Variants in BCAP29 observed in about 807,000 individuals in gnomAD.
BCAP29 encodes the protein B-cell receptor-associated protein 29.
BCAP29 carries 34 observed loss-of-function variants against 31.8 expected under a neutral mutation model. That is an observed-to-expected ratio of 1.07 (90% CI 0.81 to 1.42). BCAP29 has a LOEUF of 1.42. BCAP29 is among the 40% of genes most tolerant of loss of function. BCAP29 has a pLI of 0.00. For synonymous variants in BCAP29, 104 were observed against 91.3 expected, an observed-to-expected ratio of 1.14 and a Z score of -0.79; for missense variants, 314 against 269.2, an observed-to-expected ratio of 1.17 and a Z score of -1.16.
chr7:107,608,774 A>G (rs1336159140), intron 6 of BCAP29, among the ~76,000 whole-genome samples: 2 of 152,220 alleles, frequency 1.3e-5, no homozygotes, highest in African/African-American at 2.4e-5. Context: ...CAAGATTACT[A>G]TCAGGTGACT....
chr7:107,612,408 TA>T (rs1563141267), intron 6 of BCAP29, among the ~76,000 whole-genome samples: 855 of 35,248 alleles, frequency 0.024, 58 homozygotes, highest in South Asian at 0.11. Context: ...TATATATATA[TA>T]TATATATATA....
intron 7 of BCAP29, among the ~76,000 whole-genome samples, chr7:107,614,544 A>T (rs1371468632): frequency 6.6e-6 from 1 of 152,202 alleles, no homozygotes; most frequent in Non-Finnish European, 1.5e-5. Flanking sequence ...TATTATCATC[A>T]TCATCTGTAT....
At chr7:107,585,816 C>A (rs1033418770) in intron 3 of BCAP29, among the ~76,000 whole-genome samples, 3 of 152,112 alleles carry the variant, frequency 2.0e-5, no homozygotes, top group Non-Finnish European at 4.4e-5. Flanking sequence ...CGTGGTGAAA[C>A]CCTGTCTCTA....
chr7:107,599,129 A>T (rs1211457364), intron 5 of BCAP29, among the ~76,000 whole-genome samples: 2 of 127,912 alleles, frequency 1.6e-5, no homozygotes, highest in East Asian at 2.1e-4. Flanking sequence ...TAAATATATT[A>T]AAAATTTATA....
intron 3 of BCAP29, among the ~76,000 whole-genome samples, chr7:107,588,830 G>A (rs934452064): frequency 2.0e-5 from 3 of 152,104 alleles, no homozygotes; most frequent in East Asian, 3.9e-4. Flanking sequence ...TTAAATTCTT[G>A]GTTGACTCTT....
chr7:107,599,281 ATTTTTATATATAAATT>A (rs1810630424), intron 5 of BCAP29, among the ~76,000 whole-genome samples: 3 of 49,890 alleles, frequency 6.0e-5, no homozygotes, highest in Non-Finnish European at 3.5e-5. Flanking sequence ...TTTATATATA[ATTTTTATATATAAATT>A]ATATATAAAT....
rs755501245 is a variant in BCAP29, at chr7:107,600,306, A to G, written c.481-91A>G. 5 of 768,128 alleles carry G rather than the reference A, an allele frequency of 6.5e-6. No homozygotes were observed. In the East Asian group the frequency reaches 1.3e-4, roughly 19 times the overall value. 47.6% of individuals were successfully genotyped at this position (768,128 alleles called of 1,614,324 possible). On this transcript the variant is annotated intron_variant, in intron 5 of 7. Coordinates refer to ENST00000005259, the MANE Select transcript of BCAP29 (RefSeq NM_018844.4). ...ACAAAGAATAAATTATAAACAGGTAAGTTTAGATAGGTTACTCAGCTTATT... is the reference window on the plus strand; with the variant it reads ...ACAAAGAATAAATTATAAACAGGTAGGTTTAGATAGGTTACTCAGCTTATT...
At chr7:107,580,167 A>G (rs996428476), upstream of BCAP29, 1 of 152,014 alleles carries the variant, frequency 6.6e-6, no homozygotes, top group Non-Finnish European at 1.5e-5. Flanking sequence ...GCCGGGACGG[A>G]CCCGCGGGCG....
chr7:107,589,208 T>G (rs1166076098), intron 3 of BCAP29, among the ~76,000 whole-genome samples: 3 of 152,148 alleles, frequency 2.0e-5, no homozygotes, highest in Non-Finnish European at 4.4e-5. Flanking sequence ...TGGAAGACAG[T>G]TTTTCCATAT....
chr7:107,583,495 G>A (rs1467979924), intron 2 of BCAP29, among the ~76,000 whole-genome samples: 1 of 152,078 alleles, frequency 6.6e-6, no homozygotes, highest in East Asian at 1.9e-4. Context: ...CTCCTGAAAT[G>A]TTGCCAATTG....
intron 5 of BCAP29, among the ~76,000 whole-genome samples, chr7:107,599,344 T>C (rs973317514): frequency 7.9e-5 from 6 of 75,868 alleles, no homozygotes; most frequent in South Asian, 3.1e-4. Flanking sequence ...TATGCACACA[T>C]ATATATATAT....
At chr7:107,581,039 G>A (rs1806561157) in intron 2 of BCAP29, among the ~76,000 whole-genome samples, 175 bp downstream of exon 2, 1 of 152,150 alleles carries the variant, frequency 6.6e-6, no homozygotes, top group South Asian at 2.1e-4. Context: ...ACTCTGTTAC[G>A]TGTACAAGTG....
At position 107,618,775 on chromosome 7, in the gene BCAP29, A is replaced by G; in HGVS notation, c.*412A>G. 2.0e-6 allele frequency: 1 copy of G among 492,036 alleles called. No individual in the cohort carries two copies. Among genetic ancestry groups the G allele is most frequent in the South Asian group, 3.5e-5 (1 of 28,542 alleles). The allele number at this position is 492,036 out of a possible 1,614,324, so 30.5% of individuals were successfully genotyped here. A position where few individuals can be genotyped will look rare whatever the true frequency, so the allele number is the denominator to read the frequency against. On this transcript the variant is annotated 3_prime_UTR_variant, in exon 8 of 8. Transcript: ENST00000005259. Reference sequence around the variant, plus strand: ...TTAATCAGATGATGATGTGTTTGAAAATAGTGTTCAATATCAGCAAATTTG... The same window carrying G: ...TTAATCAGATGATGATGTGTTTGAAGATAGTGTTCAATATCAGCAAATTTG...
intron 6 of BCAP29, among the ~76,000 whole-genome samples, chr7:107,613,061 A>G (rs149389857): frequency 5.3e-5 from 8 of 152,284 alleles, no homozygotes; most frequent in Non-Finnish European, 8.8e-5. Flanking sequence ...TGACTATACT[A>G]TGGTTATGTT....
intron 3 of BCAP29, among the ~76,000 whole-genome samples, chr7:107,586,991 A>T (rs918415227): frequency 2.0e-5 from 3 of 152,124 alleles, no homozygotes; most frequent in Admixed American, 6.6e-5. Flanking sequence ...TCGGCTTCCC[A>T]AAGTGCTGGG....
chr7:107,620,205 GATAGTTA>G lies in BCAP29; in HGVS notation c.*1843_*1849del, dbSNP rs1252292841. Reference sequence around the variant, plus strand: ...TGAGCAGTTTTTCCAAGGCAACATTGATAGTTAGATTCAGGGCCAGGCTGTAAGTCTA... The same window carrying G: ...TGAGCAGTTTTTCCAAGGCAACATTGGATTCAGGGCCAGGCTGTAAGTCTA... On this transcript the variant is annotated 3_prime_UTR_variant, in exon 8 of 8. Transcript: ENST00000005259. 1 of 152,186 alleles carries G rather than the reference GATAGTTA, an allele frequency of 6.6e-6. No individual in the cohort carries two copies. Among genetic ancestry groups the G allele is most frequent in the Admixed American group, 6.5e-5 (1 of 15,278 alleles). 9.4% of individuals were successfully genotyped at this position (152,186 alleles called of 1,614,324 possible).
Position 107,600,513 on chromosome 7 carries a change from T to G in BCAP29, c.589+8T>G. 1 of 1,496,328 alleles carries G rather than the reference T, an allele frequency of 6.7e-7. No individual in the cohort carries two copies. Among genetic ancestry groups the G allele is most frequent in the African/African-American group, 1.4e-5 (1 of 71,866 alleles). The allele number at this position is 1,496,328 out of a possible 1,614,324, so 92.7% of individuals were successfully genotyped here. On this transcript the variant is annotated splice_region_variant and intron_variant, in intron 6 of 7. Coordinates refer to ENST00000005259, the MANE Select transcript of BCAP29 (RefSeq NM_018844.4). Reference sequence around the variant, plus strand: ...TAAGGAAGACTTCAGATGGTAACTTTGTGTACATGTGAAAAAGTAAAAAGA... The same window carrying G: ...TAAGGAAGACTTCAGATGGTAACTTGGTGTACATGTGAAAAAGTAAAAAGA...
chr7:107,622,231 A>G (rs1245784890), downstream of BCAP29: 1 of 175,322 alleles, frequency 5.7e-6, no homozygotes, highest in African/African-American at 2.4e-5. Context: ...ACAAAAACAA[A>G]AAAAACACTA....
intron 4 of BCAP29, 134 bp downstream of exon 4, chr7:107,594,239 A>C (rs1809398311): frequency 1.3e-6 from 1 of 763,620 alleles, no homozygotes; most frequent in South Asian, 1.9e-5. Context: ...CCCAGGCTGC[A>C]GTGCAGTGGT....
Sources: gnomAD v4.1 joint callset for allele counts (sites outside exome capture counted in the v4.1 genomes callset) on GRCh38, gnomAD v4.1.1 for gene constraint, MANE v1.5 for transcripts, NCBI Gene and HGNC (gene_info 2026-07-23, HGNC 2026-07-21) for gene names.